NCKAP5: variants seen among roughly 807,000 people sequenced by gnomAD.
NCKAP5 encodes the protein nck-associated protein 5.
NCKAP5 carries 92 observed loss-of-function variants against 167.0 expected under a neutral mutation model. The ratio of observed to expected loss-of-function variants is 0.55; its 90% CI spans 0.47 to 0.66. NCKAP5 has a LOEUF of 0.66. Among genes scored for constraint, NCKAP5 ranks in the 30% least tolerant of loss-of-function variants. The pLI is 0.00. For missense variants in NCKAP5, 2,378 were observed against 2,315.0 expected, an observed-to-expected ratio of 1.03 and a Z score of -0.56; for synonymous variants, 891 against 877.4, an observed-to-expected ratio of 1.02 and a Z score of -0.27.
chr2:133,447,467 C>G (rs1691272261), intron 3 of NCKAP5, among the ~76,000 whole-genome samples: 1 of 148,626 alleles, frequency 6.7e-6, no homozygotes, highest in African/African-American at 2.5e-5. Context: ...CCTTCCTTTC[C>G]CCTTCCTTTC....
At chr2:132,805,083 G>A (rs142831025) in intron 11 of NCKAP5, among the ~76,000 whole-genome samples, 165 of 152,076 alleles carry the variant, frequency 1.1e-3, no homozygotes, top group African/African-American at 3.8e-3. Flanking sequence ...CTGCTTTAGA[G>A]GCAGATAATT....
intron 3 of NCKAP5, among the ~76,000 whole-genome samples, chr2:133,493,358 G>A (rs1681636039): frequency 6.6e-6 from 1 of 152,176 alleles, no homozygotes; most frequent in Non-Finnish European, 1.5e-5. Flanking sequence ...CCATTAGCCA[G>A]TGACTAAATA....
chr2:133,588,989 G>A, the NCKAP5 span, among the ~76,000 whole-genome samples: 1 of 152,166 alleles, frequency 6.6e-6, no homozygotes, highest in African/African-American at 2.4e-5. Context: ...GGTTGTGGAG[G>A]TCACATGGCC....
chr2:133,014,861 C>A (rs1254693146), intron 6 of NCKAP5, among the ~76,000 whole-genome samples: 1 of 152,118 alleles, frequency 6.6e-6, no homozygotes, highest in Non-Finnish European at 1.5e-5. Context: ...AATTTATAAG[C>A]AAGATCTAAG....
the NCKAP5 span, among the ~76,000 whole-genome samples, chr2:133,674,835 A>G: frequency 6.6e-6 from 1 of 152,160 alleles, no homozygotes; most frequent in African/African-American, 2.4e-5. Flanking sequence ...GCCGGGTTTA[A>G]CAAACACCGC....
At chr2:132,886,598 T>C (rs1692240559) in intron 8 of NCKAP5, among the ~76,000 whole-genome samples, 1 of 152,194 alleles carries the variant, frequency 6.6e-6, no homozygotes, top group South Asian at 2.1e-4. Context: ...GTTCCTGAGG[T>C]GTTGTCTTTC....
chr2:132,844,750 C>T (rs991387484), intron 11 of NCKAP5, among the ~76,000 whole-genome samples: 7 of 152,130 alleles, frequency 4.6e-5, no homozygotes, highest in African/African-American at 1.7e-4. Context: ...CAGTGTCTCA[C>T]ATGTCACCCT....
At chr2:133,341,533 C>A (rs1386406048) in intron 3 of NCKAP5, among the ~76,000 whole-genome samples, 3 of 152,168 alleles carry the variant, frequency 2.0e-5, no homozygotes, top group Admixed American at 2.0e-4. Flanking sequence ...GTACATATTT[C>A]TTCTTGATAT....
At chr2:132,690,444 G>A (rs1686579617) in intron 19 of NCKAP5, among the ~76,000 whole-genome samples, 1 of 152,196 alleles carries the variant, frequency 6.6e-6, no homozygotes, top group African/African-American at 2.4e-5. Flanking sequence ...CAGTTCACAT[G>A]TGTTTCAATG....
intron 8 of NCKAP5, among the ~76,000 whole-genome samples, chr2:132,961,677 G>A (rs1312235310): frequency 6.6e-6 from 1 of 152,162 alleles, no homozygotes; most frequent in Non-Finnish European, 1.5e-5. Context: ...ACTCACTACA[G>A]TTTAAGAAAC....
chr2:133,265,492 GCT>G (rs1326451119), intron 4 of NCKAP5, among the ~76,000 whole-genome samples: 1 of 152,198 alleles, frequency 6.6e-6, no homozygotes, highest in African/African-American at 2.4e-5. Flanking sequence ...CCAGCGCTCC[GCT>G]CTGTTCCAGA....
At chr2:133,422,207 G>A (rs1689521980) in intron 3 of NCKAP5, among the ~76,000 whole-genome samples, 1 of 152,204 alleles carries the variant, frequency 6.6e-6, no homozygotes, top group Non-Finnish European at 1.5e-5. Context: ...ATATCAGGAA[G>A]ACAAAAGGAT....
chr2:133,143,557 A>T (rs1181672847), intron 5 of NCKAP5, among the ~76,000 whole-genome samples: 1 of 152,152 alleles, frequency 6.6e-6, no homozygotes, highest in Non-Finnish European at 1.5e-5. Flanking sequence ...CAGCAGCCCT[A>T]CTGATGATAC....
intron 6 of NCKAP5, among the ~76,000 whole-genome samples, chr2:133,002,656 C>T (rs1306847322): frequency 6.6e-6 from 1 of 152,206 alleles, no homozygotes; most frequent in African/African-American, 2.4e-5. Context: ...AACACAGAGC[C>T]AAGCCTTGAC....
At chr2:133,148,270 C>A (rs2083270123) in intron 5 of NCKAP5, among the ~76,000 whole-genome samples, 1 of 152,068 alleles carries the variant, frequency 6.6e-6, no homozygotes, top group South Asian at 2.1e-4. Flanking sequence ...TGGCTGATAA[C>A]TGATCTGAAA....
intron 6 of NCKAP5, among the ~76,000 whole-genome samples, chr2:133,008,003 A>G (rs538469182): frequency 6.6e-6 from 1 of 152,252 alleles, no homozygotes; most frequent in African/African-American, 2.4e-5. Context: ...AGAACCAGAT[A>G]TTGGTGCTAA....
chr2:132,962,881 G>A lies in NCKAP5; in HGVS notation c.579+839C>T, dbSNP rs566602329. The stretch of plus-strand genomic sequence containing the variant: ...TCTGGGATTACAGGCGTGAGCCACC[G>A]TGCCCAGCCTCCAGCTCTTCTTCCT... On this transcript the variant is annotated intron_variant, in intron 8 of 19. Coordinates refer to ENST00000409261, the MANE Select transcript of NCKAP5 (RefSeq NM_207363.3). 8.5e-5 allele frequency among the ~76,000 whole-genome samples: 13 copies of A among 152,276 alleles called. No individual in the cohort carries two copies. The South Asian group carries it at 1.0e-3, about 12-fold the overall frequency.
chr2:133,397,566 T>C (rs1338480553), intron 3 of NCKAP5, among the ~76,000 whole-genome samples: 1 of 152,216 alleles, frequency 6.6e-6, no homozygotes, highest in Admixed American at 6.5e-5. Flanking sequence ...ATCTTTATTC[T>C]CAAAACCTCC....
chr2:133,000,873 C>T (rs1453253190), intron 6 of NCKAP5, among the ~76,000 whole-genome samples: 1 of 152,126 alleles, frequency 6.6e-6, no homozygotes, highest in Non-Finnish European at 1.5e-5. Context: ...AGAAGCCACA[C>T]ACAAAAGACA....
Sources: allele counts gnomAD v4.1 joint callset (sites outside exome capture counted in the v4.1 genomes callset), GRCh38; gene constraint gnomAD v4.1.1; transcripts MANE v1.5; gene names NCBI Gene and HGNC (gene_info 2026-07-23, HGNC 2026-07-21).